Variants in TBC1D8 observed in about 807,000 individuals in gnomAD.
The protein encoded by TBC1D8 is BUB2-like protein 1.
A neutral mutation model predicts 118.8 loss-of-function variants in TBC1D8; 65 were observed. The ratio of observed to expected loss-of-function variants is 0.55; its 90% CI spans 0.45 to 0.67. The LOEUF (loss-of-function observed/expected upper bound fraction) is 0.67, where lower values mean the gene tolerates loss of function less well. TBC1D8 is among the 30% of genes least tolerant of loss of function. The pLI, the probability that TBC1D8 is intolerant of heterozygous loss-of-function variation, is 0.00. For synonymous variants in TBC1D8, 566 were observed against 595.8 expected, an observed-to-expected ratio of 0.95 and a Z score of 0.73; for missense variants, 1,376 against 1,471.2, an observed-to-expected ratio of 0.94 and a Z score of 1.06.
At chr2:101,115,717 C>T (rs961332095) in intron 1 of TBC1D8, among the ~76,000 whole-genome samples, 1 of 152,070 alleles carries the variant, frequency 6.6e-6, no homozygotes, top group Non-Finnish European at 1.5e-5. Context: ...TACCACTGCA[C>T]CCCAGCCTGG....
chr2:101,105,457 C>T (rs1254095867), intron 1 of TBC1D8, among the ~76,000 whole-genome samples: 1 of 151,728 alleles, frequency 6.6e-6, no homozygotes, highest in African/African-American at 2.4e-5. Context: ...GGCATGGTGG[C>T]TCGTGCCTGT....
chr2:101,149,987 C>T (rs1679485989), intron 1 of TBC1D8, among the ~76,000 whole-genome samples: 2 of 152,226 alleles, frequency 1.3e-5, no homozygotes, highest in South Asian at 4.1e-4. Flanking sequence ...CCTACAGCTC[C>T]CTCCATGCAG....
chr2:101,123,248 G>A (rs983895679), intron 1 of TBC1D8, among the ~76,000 whole-genome samples: 1 of 152,044 alleles, frequency 6.6e-6, no homozygotes, highest in Non-Finnish European at 1.5e-5. Context: ...GAGTCTTTAG[G>A]CTTTTCTAGA....
At position 101,029,679 on chromosome 2, in the gene TBC1D8, G is replaced by A; in HGVS notation, c.2034C>T (p.Val678=). 1.9e-6 allele frequency: 3 copies of A among 1,614,044 alleles called. No homozygotes were observed. Among genetic ancestry groups the A allele is most frequent in the South Asian group, 2.2e-5 (2 of 91,080 alleles). The change falls in exon 12 of 20, where the codon GTC becomes GTT. Residue 678 remains valine (V), a synonymous_variant. Transcript: ENST00000409318. ...HMNDLSALAS[V]SLSWFLTLFL... ...ACAGGGTCAGGAACCACGAGAGAGA[G>A]ACGGACGCCAGGGCTGAGAGGTCGT...
intron 17 of TBC1D8, among the ~76,000 whole-genome samples, chr2:101,014,118 G>A (rs566745388): frequency 2.0e-4 from 31 of 152,096 alleles, no homozygotes; most frequent in Non-Finnish European, 4.0e-4. Context: ...GCTTCTTGAC[G>A]ATTTGGATAC....
At chr2:101,086,943 C>G (rs1020435281) in intron 2 of TBC1D8, among the ~76,000 whole-genome samples, 2 of 152,012 alleles carry the variant, frequency 1.3e-5, no homozygotes, top group African/African-American at 4.8e-5. Flanking sequence ...ACAACCACCC[C>G]TGGCTAATTT....
intron 17 of TBC1D8, among the ~76,000 whole-genome samples, chr2:101,013,047 T>C (rs1244192451): frequency 1.3e-5 from 2 of 152,058 alleles, no homozygotes; most frequent in Non-Finnish European, 2.9e-5. Context: ...AAAGTAGAAA[T>C]GTGTATACAA....
intron 2 of TBC1D8, among the ~76,000 whole-genome samples, chr2:101,060,900 G>A (rs1296782563): frequency 2.0e-5 from 3 of 152,118 alleles, no homozygotes; most frequent in African/African-American, 7.2e-5. Flanking sequence ...TCAAAAGCCA[G>A]ATATGGACCG....
rs1019202906 is a variant in TBC1D8 at position 101,018,662 on chromosome 2, A to C, written c.2827+3019T>G. ...TAAAATAGCATATTCCCTGAATCTC[A>C]GAGTTCGCAGAAGGAACTCATGATG... On this transcript the variant is annotated intron_variant, in intron 17 of 19. Transcript: ENST00000409318. Among the ~76,000 whole-genome samples the C allele has an allele frequency of 6.6e-4, 100 of 152,250 alleles. 1 individual carries two copies. The highest frequency in any genetic ancestry group is 2.1e-3 in the African/African-American group (89 of 41,466).
intron 15 of TBC1D8, among the ~76,000 whole-genome samples, 190 bp from the exon 16 acceptor site, chr2:101,022,711 GT>G (rs1371874842): frequency 1.3e-5 from 2 of 151,974 alleles, no homozygotes; most frequent in South Asian, 2.1e-4. Flanking sequence ...TTTTATTAAG[GT>G]TTTTTTCTTT....
At position 101,028,608 on chromosome 2, in the gene TBC1D8, G is replaced by A. The variant is rs566966128; in HGVS notation, c.2223-176C>T. ...AAGCGAGAGGCAGTCATGAAGCCCG[G>A]CTTGTGGATTGGGCTCCACAGGTGG... On this transcript the variant is annotated intron_variant, in intron 12 of 19. Coordinates refer to ENST00000409318, the MANE Select transcript of TBC1D8 (RefSeq NM_001330348.2). 1.5e-4 allele frequency: 142 copies of A among 918,532 alleles called. 1 individual carries two copies. The African/African-American group carries it at 2.1e-3, about 13-fold the overall frequency. 56.9% of individuals were successfully genotyped at this position (918,532 alleles called of 1,614,324 possible).
rs1680037897 is a variant in TBC1D8 at position 101,021,692 on chromosome 2, T to C, written c.2816A>G (p.His939Arg). The C allele has an allele frequency of 6.2e-7, 1 of 1,600,414 alleles. No individual in the cohort carries two copies. The highest frequency in any genetic ancestry group is 1.7e-5 in the Admixed American group (1 of 58,900). ...TTGGACTTTCTTACCTGGAGGGATATGAAGCCTGTATAATAGTTTAATCTT... is the reference window on the plus strand; with the variant it reads ...TTGGACTTTCTTACCTGGAGGGATACGAAGCCTGTATAATAGTTTAATCTT... The part of the protein sequence containing the change: ...NEKIKLLYRL[H>R]IPPALTENDR... Residue 939 changes from histidine to arginine, a missense_variant, in exon 17 of 20, where the codon CAT becomes CGT. Transcript: ENST00000409318.
At chr2:101,122,080 T>A (rs1205275827) in intron 1 of TBC1D8, among the ~76,000 whole-genome samples, 1 of 149,846 alleles carries the variant, frequency 6.7e-6, no homozygotes, top group African/African-American at 2.4e-5. Flanking sequence ...TCTTTTTTTT[T>A]TTTTTTTTCT....
At position 101,024,693 on chromosome 2, in the gene TBC1D8, CA is replaced by C. The variant is rs1680235565; in HGVS notation, c.2521-2173del. ...CAGTGCTGGGATTACAGACATAAGCCACCGTGCCCGGCCAGAACTGTAATTT... is the reference window on the plus strand; with the variant it reads ...CAGTGCTGGGATTACAGACATAAGCCCCGTGCCCGGCCAGAACTGTAATTT... On this transcript the variant is annotated intron_variant, in intron 15 of 19. Coordinates refer to ENST00000409318, the MANE Select transcript of TBC1D8 (RefSeq NM_001330348.2). 2.6e-5 allele frequency among the ~76,000 whole-genome samples: 4 copies of C among 152,222 alleles called. No individual in the cohort carries two copies. In the South Asian group the frequency reaches 8.3e-4, roughly 32 times the overall value.
intron 1 of TBC1D8, among the ~76,000 whole-genome samples, chr2:101,097,064 G>A (rs920074835): frequency 2.0e-5 from 3 of 152,034 alleles, no homozygotes; most frequent in African/African-American, 7.2e-5. Flanking sequence ...TGAAGAGAAT[G>A]TTCTAAAAGA....
chr2:101,032,651 G>A (rs968251298), intron 10 of TBC1D8: 2 of 397,570 alleles, frequency 5.0e-6, no homozygotes, highest in African/African-American at 2.0e-5. Flanking sequence ...CAAGTCTTAA[G>A]GTTGGTTTAA....
intron 1 of TBC1D8, among the ~76,000 whole-genome samples, chr2:101,130,880 C>A (rs907028507): frequency 1.3e-5 from 2 of 152,162 alleles, no homozygotes; most frequent in African/African-American, 4.8e-5. Context: ...TTATTGACCA[C>A]AATCAAGCCC....
intron 1 of TBC1D8, among the ~76,000 whole-genome samples, chr2:101,138,424 T>G (rs1678951240): frequency 6.6e-6 from 1 of 152,214 alleles, no homozygotes; most frequent in African/African-American, 2.4e-5. Flanking sequence ...TTCCATTCAA[T>G]TCTGACACTA....
chr2:101,122,383 C>CAAAAAAAAAAAAAAAAAAAAAAAAA lies in TBC1D8; in HGVS notation c.127+28719_127+28743dup, dbSNP rs70943064. ...ACCGCGCCCGGCCAAGACTCCATTT[C>CAAAAAAAAAAAAAAAAAAAAAAAAA]AAAAAAAAAAAAAAAAAAAAAAAAA... is the stretch of plus-strand genomic sequence containing the variant. On this transcript the variant is annotated intron_variant, in intron 1 of 19. Coordinates refer to ENST00000409318, the MANE Select transcript of TBC1D8 (RefSeq NM_001330348.2). Among the ~76,000 whole-genome samples, 17 of 71,942 alleles carry CAAAAAAAAAAAAAAAAAAAAAAAAA rather than the reference C, an allele frequency of 2.4e-4. 3 individuals are homozygous for CAAAAAAAAAAAAAAAAAAAAAAAAA. Among genetic ancestry groups the CAAAAAAAAAAAAAAAAAAAAAAAAA allele is most frequent in the Non-Finnish European group, 2.5e-4 (9 of 35,816 alleles). 47.2% of individuals were successfully genotyped at this position (71,942 alleles called of 152,430 possible). A position where few individuals can be genotyped will look rare whatever the true frequency, so the allele number is the denominator to read the frequency against.
Sources: gnomAD v4.1 joint callset for allele counts (sites outside exome capture counted in the v4.1 genomes callset) on GRCh38, gnomAD v4.1.1 for gene constraint, MANE v1.5 for transcripts, NCBI Gene and HGNC (gene_info 2026-07-23, HGNC 2026-07-21) for gene names.